The following SPOCK1 variants were observed in gnomAD, a reference collection of about 807,000 sequenced individuals.
The protein encoded by SPOCK1 is SPARC (osteonectin), cwcv and kazal like domains proteoglycan 1.
Under a neutral mutation model 55.3 loss-of-function variants are expected in SPOCK1, and 23 were observed. The observed-to-expected ratio is 0.42, with a 90% confidence interval of 0.30 to 0.59. The LOEUF (loss-of-function observed/expected upper bound fraction) is 0.59, where lower values mean the gene tolerates loss of function less well. SPOCK1 is among the 20% of genes least tolerant of loss of function. SPOCK1 has a pLI of 0.22. For missense variants in SPOCK1, 499 were observed against 552.5 expected (o/e 0.90, Z 0.97); for synonymous variants, 226 against 221.0 (o/e 1.02, Z -0.20).
chr5:137,222,582 C>A (rs1427775184), intron 3 of SPOCK1, among the ~76,000 whole-genome samples: 1 of 152,042 alleles, frequency 6.6e-6, no homozygotes, highest in Non-Finnish European at 1.5e-5. Flanking sequence ...AGTGGTTAGC[C>A]AACATTTGTT....
intron 3 of SPOCK1, among the ~76,000 whole-genome samples, chr5:137,206,736 A>T (rs1334679787): frequency 6.6e-6 from 1 of 152,240 alleles, no homozygotes; most frequent in Non-Finnish European, 1.5e-5. Flanking sequence ...CTTCACATAA[A>T]TATCATCATA....
At chr5:137,428,545 T>A (rs915388926) in intron 2 of SPOCK1, among the ~76,000 whole-genome samples, 1 of 152,212 alleles carries the variant, frequency 6.6e-6, no homozygotes, top group Non-Finnish European at 1.5e-5. Context: ...TCATTCTGCA[T>A]CTTTCCCTGG....
chr5:137,055,194 T>C (rs1384117769), intron 6 of SPOCK1, among the ~76,000 whole-genome samples: 1 of 151,730 alleles, frequency 6.6e-6, no homozygotes, highest in African/African-American at 2.4e-5. Context: ...CAACACACTG[T>C]GGTTGTATCT....
At chr5:137,248,989 G>A (rs1472121324) in intron 3 of SPOCK1, among the ~76,000 whole-genome samples, 1 of 152,154 alleles carries the variant, frequency 6.6e-6, no homozygotes, top group Non-Finnish European at 1.5e-5. Flanking sequence ...GAGATCTGGA[G>A]CCCAAAACCT....
intron 2 of SPOCK1, among the ~76,000 whole-genome samples, chr5:137,330,601 T>A (rs114815649): frequency 1.4e-3 from 215 of 152,330 alleles, no homozygotes; most frequent in Non-Finnish European, 2.6e-3. Context: ...AAATATCCAC[T>A]CATGCAACTC....
chr5:137,309,971 G>C (rs1417018165), intron 2 of SPOCK1, among the ~76,000 whole-genome samples: 1 of 151,998 alleles, frequency 6.6e-6, no homozygotes, highest in African/African-American at 2.4e-5. Context: ...CATTAATCTA[G>C]TTACCGAGGA....
chr5:137,466,824 T>C (rs1157358229), intron 2 of SPOCK1, among the ~76,000 whole-genome samples: 1 of 152,196 alleles, frequency 6.6e-6, no homozygotes, highest in African/African-American at 2.4e-5. Flanking sequence ...ATTAGTAGCT[T>C]AAAATAGTGA....
intron 5 of SPOCK1, among the ~76,000 whole-genome samples, chr5:137,106,436 A>T (rs546654045): frequency 6.6e-6 from 1 of 152,176 alleles, no homozygotes; most frequent in Non-Finnish European, 1.5e-5. Context: ...GGGCTCCCAG[A>T]TGGTCCAGGA....
intron 2 of SPOCK1, among the ~76,000 whole-genome samples, chr5:137,314,882 G>C (rs1473627594): frequency 6.6e-6 from 1 of 152,122 alleles, no homozygotes; most frequent in African/African-American, 2.4e-5. Flanking sequence ...TCTTTAATTG[G>C]CTTTACTGAG....
At chr5:137,139,728 C>T (rs1164529570) in intron 4 of SPOCK1, among the ~76,000 whole-genome samples, 1 of 152,138 alleles carries the variant, frequency 6.6e-6, no homozygotes, top group African/African-American at 2.4e-5. Context: ...ATTGTACAGG[C>T]AGCACAGGGA....
intron 4 of SPOCK1, among the ~76,000 whole-genome samples, chr5:137,133,911 C>A (rs1753929965): frequency 6.9e-6 from 1 of 145,282 alleles, no homozygotes; most frequent in African/African-American, 2.6e-5. Flanking sequence ...AGGTCCCAGG[C>A]ATCTGTACAG....
chr5:137,474,624 G>T (rs1753800614), intron 2 of SPOCK1, among the ~76,000 whole-genome samples: 1 of 152,152 alleles, frequency 6.6e-6, no homozygotes, highest in African/African-American at 2.4e-5. Context: ...TGCAAGATAA[G>T]CCTAGAATAT....
chr5:137,152,976 T>C (rs1355776747), intron 3 of SPOCK1, among the ~76,000 whole-genome samples: 2 of 152,350 alleles, frequency 1.3e-5, no homozygotes, highest in Non-Finnish European at 2.9e-5. Context: ...GATGTAACTG[T>C]AAGTCTGCTA....
chr5:137,182,043 G>C (rs1754979962), intron 3 of SPOCK1, among the ~76,000 whole-genome samples: 1 of 152,172 alleles, frequency 6.6e-6, no homozygotes, highest in Admixed American at 6.5e-5. Context: ...CAGATCCCCA[G>C]GTTGATCAAT....
intron 2 of SPOCK1, among the ~76,000 whole-genome samples, chr5:137,442,362 A>T (rs1753033245): frequency 6.6e-6 from 1 of 152,218 alleles, no homozygotes; most frequent in African/African-American, 2.4e-5. Context: ...GTAACTGGGA[A>T]GGCCAGGGAG....
intron 2 of SPOCK1, among the ~76,000 whole-genome samples, chr5:137,378,168 TC>T (rs1206775883): frequency 6.6e-6 from 1 of 152,156 alleles, no homozygotes; most frequent in Non-Finnish European, 1.5e-5. Context: ...GGTCTCGAAC[TC>T]CCAACCTCAG....
chr5:137,187,162 G>A (rs531816245), intron 3 of SPOCK1, among the ~76,000 whole-genome samples: 10 of 152,112 alleles, frequency 6.6e-5, no homozygotes, highest in African/African-American at 1.2e-4. Context: ...GCAGCATGCC[G>A]CCCACTCCAT....
At chr5:137,456,081 C>T (rs530139302) in intron 2 of SPOCK1, among the ~76,000 whole-genome samples, 7 of 151,934 alleles carry the variant, frequency 4.6e-5, no homozygotes, top group Non-Finnish European at 1.0e-4. Flanking sequence ...GAAGAAAAAG[C>T]AGGAGGAGGA....
intron 2 of SPOCK1, among the ~76,000 whole-genome samples, chr5:137,340,880 CAAA>C (rs553671622): frequency 8.4e-5 from 8 of 94,928 alleles, no homozygotes; most frequent in Non-Finnish European, 6.6e-5. Flanking sequence ...GATTCCATCT[CAAA>C]AAAAAAAAAA....
Sources: gnomAD v4.1 joint callset for allele counts (sites outside exome capture counted in the v4.1 genomes callset) on GRCh38, gnomAD v4.1.1 for gene constraint, MANE v1.5 for transcripts, NCBI Gene and HGNC (gene_info 2026-07-23, HGNC 2026-07-21) for gene names.